The following ABRAXAS2 variants were observed in gnomAD, a reference collection of about 807,000 sequenced individuals.
ABRAXAS2 encodes the protein abraxas 2, BRISC complex subunit.
A neutral mutation model predicts 49.0 loss-of-function variants in ABRAXAS2; 23 were observed. The observed-to-expected ratio is 0.47, with a 90% CI of 0.34 to 0.66. The LOEUF is 0.66. ABRAXAS2 is among the 30% of genes least tolerant of loss of function. The pLI is 0.01. For synonymous variants in ABRAXAS2, 168 were observed against 180.2 expected, an observed-to-expected ratio of 0.93 and a Z score of 0.54; for missense variants, 443 against 511.9, an observed-to-expected ratio of 0.87 and a Z score of 1.30.
chr10:124,812,214 AG>A (rs554126929), intron 2 of ABRAXAS2, among the ~76,000 whole-genome samples: 85 of 152,362 alleles, frequency 5.6e-4, no homozygotes, highest in African/African-American at 1.9e-3. Context: ...CTGTTAGTAC[AG>A]GGCCATGACA....
intron 4 of ABRAXAS2, among the ~76,000 whole-genome samples, chr10:124,821,075 G>A (rs1222246359): frequency 6.6e-6 from 1 of 151,668 alleles, no homozygotes; most frequent in African/African-American, 2.4e-5. Flanking sequence ...CACCACACCT[G>A]GCTAATTTTT....
intron 4 of ABRAXAS2, among the ~76,000 whole-genome samples, chr10:124,822,422 TGAAG>T (rs1950867514): frequency 3.3e-5 from 5 of 152,178 alleles, no homozygotes; most frequent in Admixed American, 3.3e-4. Context: ...TATCTATTGA[TGAAG>T]GAAGAATTTA....
At chr10:124,830,038 G>C (rs894840607) in intron 7 of ABRAXAS2, among the ~76,000 whole-genome samples, 1 of 152,198 alleles carries the variant, frequency 6.6e-6, no homozygotes, top group Non-Finnish European at 1.5e-5. Context: ...TTTAGGAGTA[G>C]TTTGCTCTAA....
intron 7 of ABRAXAS2, among the ~76,000 whole-genome samples, chr10:124,830,403 G>T (rs558311302): frequency 1.2e-4 from 18 of 152,276 alleles, no homozygotes; most frequent in Non-Finnish European, 2.4e-4. Context: ...CTACAATTGT[G>T]CCACTGCACT....
In ABRAXAS2 at chr10:124,801,837, C is replaced by T; in HGVS notation, c.8C>T (p.Ala3Val). MAASISGYTFSAV... is the reference protein window; with the variant it reads MAVSISGYTFSAV... ...TAGCTGGAGATTTCCATCATGGCGG[C>T]GTCCATTTCGGGCTACACCTTCAGT... The change falls in exon 1 of 9, where the codon GCG (alanine) becomes GTG (valine). Residue 3 changes from alanine to valine, a missense_variant. Around this residue, in one of 3 missense-constraint regions of ABRAXAS2, gnomAD observed 47 missense variants for 27.6 expected, o/e 1.70. Transcript: ENST00000298492. 1.9e-6 allele frequency: 3 copies of T among 1,613,398 alleles called. No individual in the cohort carries two copies. Among genetic ancestry groups the T allele is most frequent in the Non-Finnish European group, 2.5e-6 (3 of 1,179,764 alleles).
chr10:124,808,906 G>A (rs183351343), intron 2 of ABRAXAS2, among the ~76,000 whole-genome samples: 19 of 152,252 alleles, frequency 1.2e-4, no homozygotes, highest in Admixed American at 9.8e-4. Context: ...CAAGTTGGGC[G>A]GATCGCCCGA....
In ABRAXAS2 at chr10:124,804,736, CAG is replaced by C. The variant is rs1445675513; in HGVS notation, c.73-2092_73-2091del. Among the ~76,000 whole-genome samples the C allele has an allele frequency of 4.4e-3, 545 of 124,100 alleles. 5 individuals carry two copies. Among genetic ancestry groups the C allele is most frequent in the African/African-American group, 0.015 (498 of 32,756 alleles). The allele number at this position is 124,100 out of a possible 152,430, so 81.4% of individuals were successfully genotyped here. A position where few individuals can be genotyped will look rare whatever the true frequency, so the allele number is the denominator to read the frequency against. On this transcript the variant is annotated intron_variant, in intron 1 of 8. Coordinates refer to ENST00000298492, the MANE Select transcript of ABRAXAS2 (RefSeq NM_032182.4). ...TTCTTTCTTTTTTTTTTTTTTGAGA[CAG>C]AGTCTTGCTCTGTCACCCAGGCTTG...
intron 4 of ABRAXAS2, among the ~76,000 whole-genome samples, chr10:124,821,032 GC>G (rs1477484106): frequency 6.6e-6 from 1 of 151,622 alleles, no homozygotes; most frequent in African/African-American, 2.4e-5. Context: ...TCCCACCTCA[GC>G]CCCCCAAGTA....
intron 4 of ABRAXAS2, among the ~76,000 whole-genome samples, chr10:124,822,312 T>C (rs1950866592): frequency 6.6e-6 from 1 of 152,224 alleles, no homozygotes; most frequent in Non-Finnish European, 1.5e-5. Flanking sequence ...GAGCCCATTT[T>C]ATATAACAAC....
chr10:124,810,393 G>A (rs893322799), intron 2 of ABRAXAS2, among the ~76,000 whole-genome samples: 1 of 152,120 alleles, frequency 6.6e-6, no homozygotes, highest in Admixed American at 6.5e-5. Context: ...CAGGCGTGGT[G>A]TTGTGCTTCT....
intron 5 of ABRAXAS2, among the ~76,000 whole-genome samples, chr10:124,826,987 G>A (rs1478750160): frequency 2.0e-5 from 3 of 151,416 alleles, no homozygotes; most frequent in East Asian, 2.0e-4. Flanking sequence ...CCAGCTACTC[G>A]GGAGGCTGAG....
At chr10:124,816,511 G>A in intron 2 of ABRAXAS2, 65 bp from the exon 3 acceptor site, 1 of 1,159,836 alleles carries the variant, frequency 8.6e-7, no homozygotes, top group South Asian at 1.3e-5. Context: ...AAAGTCCTGA[G>A]CTATTTTATA....
intron 2 of ABRAXAS2, among the ~76,000 whole-genome samples, chr10:124,810,803 G>C (rs1011739351): frequency 1.3e-5 from 2 of 151,474 alleles, no homozygotes; most frequent in Admixed American, 6.6e-5. Flanking sequence ...GGATGGTCTC[G>C]ATCTCTTGAC....
chr10:124,801,871 T>C lies in ABRAXAS2; in HGVS notation c.42T>C (p.Cys14=), dbSNP rs1950707074. The change falls in exon 1 of 9, where the codon TGT becomes TGC. Residue 14 remains cysteine (C), a synonymous_variant. Transcript: ENST00000298492. ...CGGGCTACACCTTCAGTGCTGTGTG[T>C]TTCCACAGCGCCAACAGCAACGCGG... ...SISGYTFSAV[C]FHSANSNADH... 1 of 1,613,122 alleles carries C rather than the reference T, an allele frequency of 6.2e-7. No homozygotes were observed. The highest frequency in any genetic ancestry group is 1.3e-5 in the African/African-American group (1 of 74,860).
At position 124,829,484 on chromosome 10, in the gene ABRAXAS2, G is replaced by T. The variant is rs933437294; in HGVS notation, c.663+7G>T. 1 of 1,563,258 alleles carries T rather than the reference G, an allele frequency of 6.4e-7. No individual in the cohort carries two copies. Among genetic ancestry groups the T allele is most frequent in the Non-Finnish European group, 8.8e-7 (1 of 1,141,042 alleles). On this transcript the variant is annotated splice_region_variant and intron_variant, in intron 7 of 8. Coordinates refer to ENST00000298492, the MANE Select transcript of ABRAXAS2 (RefSeq NM_032182.4). ...ACTTCAGGAGAAAGTTCAGGTAACT[G>T]ATTTATTTATTAGTTTTCATCTTAT...
chr10:124,827,035 G>A (rs1287298209), intron 5 of ABRAXAS2, among the ~76,000 whole-genome samples: 2 of 149,800 alleles, frequency 1.3e-5, no homozygotes, highest in Non-Finnish European at 3.0e-5. Context: ...AGAGGTTGCA[G>A]TGAGCCAAGA....
At chr10:124,816,506 C>T in intron 2 of ABRAXAS2, 70 bp from the exon 3 acceptor site, 1 of 1,048,278 alleles carries the variant, frequency 9.5e-7, no homozygotes. Flanking sequence ...AAAAAAAAGT[C>T]CTGAGCTATT....
Position 124,834,585 on chromosome 10 carries a change from T to A in ABRAXAS2, c.862T>A (p.Phe288Ile). 6.2e-7 allele frequency: 1 copy of A among 1,614,164 alleles called. No homozygotes were observed. Among genetic ancestry groups the A allele is most frequent in the Non-Finnish European group, 8.5e-7 (1 of 1,180,036 alleles). Residue 288 changes from phenylalanine (F) to isoleucine (I), a missense_variant, in exon 9 of 9, where the codon TTT becomes ATT. This residue lies in a region of ABRAXAS2 where 230 missense variants were observed against 237.0 expected (regional missense o/e 0.97). Coordinates refer to ENST00000298492, the MANE Select transcript of ABRAXAS2 (RefSeq NM_032182.4). Reference sequence around the variant, plus strand: ...CAGTCCTCGGATGCCGTCCTCTGGGTTTGCAGCTGAAGGCAGAAGTACACT... The same window carrying A: ...CAGTCCTCGGATGCCGTCCTCTGGGATTGCAGCTGAAGGCAGAAGTACACT... ...AFSPRMPSSG[F>I]AAEGRSTLGD...
chr10:124,803,897 T>C (rs1198768306), intron 1 of ABRAXAS2, among the ~76,000 whole-genome samples: 1 of 152,054 alleles, frequency 6.6e-6, no homozygotes, highest in African/African-American at 2.4e-5. Context: ...ATAATAATAA[T>C]AAAATAACAT....
Sources: gnomAD v4.1 joint callset for allele counts (sites outside exome capture counted in the v4.1 genomes callset) on GRCh38, gnomAD v4.1.1 for gene constraint, gnomAD v4.1.1 regional missense constraint, MANE v1.5 for transcripts, NCBI Gene and HGNC (gene_info 2026-07-23, HGNC 2026-07-21) for gene names.